The following SLC43A1 variants were observed in gnomAD, a reference collection of about 807,000 sequenced individuals.
SLC43A1 encodes the protein large neutral amino acids transporter small subunit 3.
A neutral mutation model predicts 59.5 loss-of-function variants in SLC43A1; 31 were observed. That is an observed-to-expected ratio of 0.52 (90% CI 0.39 to 0.70). The LOEUF is 0.70. Ranked by LOEUF, SLC43A1 falls within the 30% of genes least tolerant of loss-of-function variation. SLC43A1 has a pLI of 0.00. For synonymous variants in SLC43A1, 259 were observed against 290.9 expected (o/e 0.89, Z 1.12); for missense variants, 598 against 717.8 (o/e 0.83, Z 1.91).
intron 5 of SLC43A1, among the ~76,000 whole-genome samples, chr11:57,499,088 C>T (rs1172038500): frequency 6.6e-6 from 1 of 152,070 alleles, no homozygotes. Flanking sequence ...TTTGGGAGGC[C>T]GAGGCGGGTG....
intron 2 of SLC43A1, among the ~76,000 whole-genome samples, chr11:57,507,969 T>C (rs1296873699): frequency 6.6e-6 from 1 of 152,088 alleles, no homozygotes; most frequent in African/African-American, 2.4e-5. Context: ...GTAATTGAGG[T>C]ATTAAGAAAA....
chr11:57,500,930 T>A, intron 4 of SLC43A1, 58 bp downstream of exon 4: 1 of 1,597,410 alleles, frequency 6.3e-7, no homozygotes, highest in South Asian at 1.1e-5. Flanking sequence ...GGGGTAAACA[T>A]CCGCCTTCAT....
chr11:57,493,929 C>T, intron 8 of SLC43A1, 64 bp downstream of exon 8: 1 of 1,468,834 alleles, frequency 6.8e-7, no homozygotes, highest in Non-Finnish European at 9.1e-7. Context: ...ACCATGAGTG[C>T]TCACTGAATA....
In SLC43A1 at chr11:57,500,974, G is replaced by A. The variant is rs766970336; in HGVS notation, c.388+14C>T. 2.7e-5 allele frequency: 43 copies of A among 1,597,662 alleles called. No homozygotes were observed. The Admixed American group carries it at 7.0e-4, about 26-fold the overall frequency. ...TTCTTTTCTTGTGGGGCCACAAGAG[G>A]ACAGACAACTCACCTTCCACGTCCC... On this transcript the variant is annotated intron_variant, in intron 4 of 14. Coordinates refer to ENST00000278426, the MANE Select transcript of SLC43A1 (RefSeq NM_003627.6).
At chr11:57,501,379 G>T (rs1185732600) in intron 2 of SLC43A1, 50 bp from the exon 3 acceptor site, 1 of 1,587,896 alleles carries the variant, frequency 6.3e-7, no homozygotes, top group South Asian at 1.1e-5. Flanking sequence ...GAACAGCTGG[G>T]CACAGGAGAC....
chr11:57,489,268 T>C lies in SLC43A1; in HGVS notation c.1318A>G (p.Asn440Asp). ...LVGFGITCLI[N>D]NLHLQFVTFV... ...GTGGGTACCTGGAGGTGTAAGTTGT[T>C]GATGAGACAGGTGATGCCAAAACCC... Residue 440 changes from asparagine (N) to aspartate (D), a missense_variant, in exon 12 of 15, where the codon AAC becomes GAC. Transcript: ENST00000278426. The C allele has an allele frequency of 6.2e-7, 1 of 1,614,022 alleles. No homozygotes were observed. The highest frequency in any genetic ancestry group is 1.6e-4 in the Middle Eastern group (1 of 6,062).
intron 2 of SLC43A1, among the ~76,000 whole-genome samples, chr11:57,503,360 T>C (rs1476519578): frequency 7.1e-6 from 1 of 140,896 alleles, no homozygotes; most frequent in Non-Finnish European, 1.5e-5. Context: ...AGTGCAGTGG[T>C]GCAATTATAG....
intron 2 of SLC43A1, among the ~76,000 whole-genome samples, chr11:57,513,121 C>A (rs759124095): frequency 3.3e-5 from 5 of 152,242 alleles, no homozygotes; most frequent in Non-Finnish European, 7.3e-5. Flanking sequence ...GTTTAAGGAA[C>A]TCACCGAAGT....
chr11:57,504,266 T>C (rs1189815254), intron 2 of SLC43A1, among the ~76,000 whole-genome samples: 1 of 152,190 alleles, frequency 6.6e-6, no homozygotes, highest in Non-Finnish European at 1.5e-5. Context: ...GGCCATCCCC[T>C]TTTGCCAGGG....
chr11:57,504,735 C>T (rs563627616), intron 2 of SLC43A1, among the ~76,000 whole-genome samples: 81 of 152,330 alleles, frequency 5.3e-4, no homozygotes, highest in Admixed American at 1.5e-3. Flanking sequence ...CAGTAAGTTT[C>T]CCAAGCACAC....
rs542854272 is a variant in SLC43A1, at chr11:57,493,660, G to T, written c.871+333C>A. Among the ~76,000 whole-genome samples, 9 of 152,256 alleles carry T rather than the reference G, an allele frequency of 5.9e-5. No homozygotes were observed. The South Asian group carries it at 1.9e-3, about 32-fold the overall frequency. ...GGAGGACCCCTGCCAGGAGGCTCAC[G>T]GGCCTGGCTGCACCTGATGCAATAA... On this transcript the variant is annotated intron_variant, in intron 8 of 14. Coordinates refer to ENST00000278426, the MANE Select transcript of SLC43A1 (RefSeq NM_003627.6).
At chr11:57,505,555 C>T (rs917855921) in intron 2 of SLC43A1, among the ~76,000 whole-genome samples, 24 of 151,826 alleles carry the variant, frequency 1.6e-4, no homozygotes, top group Non-Finnish European at 1.0e-4. Context: ...AAACGATACA[C>T]GTATATACGT....
intron 2 of SLC43A1, among the ~76,000 whole-genome samples, chr11:57,512,197 A>G (rs969227066): frequency 4.6e-5 from 7 of 152,210 alleles, no homozygotes; most frequent in African/African-American, 1.7e-4. Context: ...ACTGAGGCAT[A>G]TAAATTTGTC....
chr11:57,509,553 A>C (rs192042810), intron 2 of SLC43A1, among the ~76,000 whole-genome samples: 26 of 150,326 alleles, frequency 1.7e-4, no homozygotes, highest in Non-Finnish European at 3.0e-4. Context: ...GTGCCACTAC[A>C]CTCCAGCCTG....
chr11:57,501,427 T>G, intron 2 of SLC43A1, 98 bp from the exon 3 acceptor site: 1 of 1,283,436 alleles, frequency 7.8e-7, no homozygotes, highest in Non-Finnish European at 1.1e-6. Flanking sequence ...TCAAATCCCA[T>G]GCCAAGTGCC....
chr11:57,509,458 TGTGCCTGTA>T (rs905570988), intron 2 of SLC43A1, among the ~76,000 whole-genome samples: 1 of 150,944 alleles, frequency 6.6e-6, no homozygotes, highest in African/African-American at 2.4e-5. Flanking sequence ...CATGGTGGTG[TGTGCCTGTA>T]GTCCCAGCTA....
At chr11:57,508,039 G>A (rs1944431163) in intron 2 of SLC43A1, among the ~76,000 whole-genome samples, 2 of 152,228 alleles carry the variant, frequency 1.3e-5, no homozygotes, top group South Asian at 4.1e-4. Context: ...GGCCAAGGCG[G>A]GTGGATCACC....
chr11:57,502,323 A>T (rs1565136974), intron 2 of SLC43A1, among the ~76,000 whole-genome samples: 1 of 152,236 alleles, frequency 6.6e-6, no homozygotes, highest in Non-Finnish European at 1.5e-5. Context: ...CACCTTGACC[A>T]AGTAACTTTC....
chr11:57,503,864 C>A (rs945759245), intron 2 of SLC43A1, among the ~76,000 whole-genome samples: 2 of 152,134 alleles, frequency 1.3e-5, no homozygotes, highest in African/African-American at 4.8e-5. Flanking sequence ...CAGGAGTTAT[C>A]ACATAAAAAT....
Sources: allele counts gnomAD v4.1 joint callset (sites outside exome capture counted in the v4.1 genomes callset), GRCh38; gene constraint gnomAD v4.1.1; transcripts MANE v1.5; gene names NCBI Gene and HGNC (gene_info 2026-07-23, HGNC 2026-07-21).